RBFOX1: variants seen among roughly 807,000 people sequenced by gnomAD.
RBFOX1 encodes the protein RNA binding protein fox-1 homolog 1.
RBFOX1 carries 8 observed loss-of-function variants against 57.7 expected under a neutral mutation model. The observed-to-expected ratio is 0.14, with a 90% CI of 0.08 to 0.25. The LOEUF (loss-of-function observed/expected upper bound fraction) is 0.25, where lower values mean the gene tolerates loss of function less well. Ranked by LOEUF, RBFOX1 falls within the 10% of genes least tolerant of loss-of-function variation. RBFOX1 has a pLI of 1.00. For synonymous variants in RBFOX1, 326 were observed against 222.4 expected, an observed-to-expected ratio of 1.47 and a Z score of -4.15; for missense variants, 611 against 548.5, an observed-to-expected ratio of 1.11 and a Z score of -1.14.
intron 4 of RBFOX1, among the ~76,000 whole-genome samples, chr16:5,888,330 C>G (rs746753889): frequency 1.3e-5 from 2 of 152,134 alleles, no homozygotes; most frequent in Non-Finnish European, 2.9e-5. Flanking sequence ...CTTTATTCTA[C>G]AAAGCTTTTT....
At position 6,333,246 on chromosome 16, in the gene RBFOX1, T is replaced by C. The variant is rs1483412546; in HGVS notation, c.-64+16189T>C. 3.9e-5 allele frequency among the ~76,000 whole-genome samples: 6 copies of C among 152,290 alleles called. No homozygotes were observed. In the East Asian group the frequency reaches 5.8e-4, roughly 15 times the overall value. ...TTTTCATAGTGACAGGGTTTTGCCA[T>C]GTTGGCCAGGCTGGTCTTGAATTCC... On this transcript the variant is annotated intron_variant, in intron 2 of 15. Coordinates refer to ENST00000550418, the MANE Select transcript of RBFOX1 (RefSeq NM_018723.4).
At chr16:5,399,050 G>C (rs1367122465) in intron 1 of RBFOX1, among the ~76,000 whole-genome samples, 1 of 152,190 alleles carries the variant, frequency 6.6e-6, no homozygotes, top group African/African-American at 2.4e-5. Context: ...CTTTCCTCCA[G>C]ACCCCTTCTT....
At chr16:6,039,347 G>GAA (rs58081772) in intron 1 of RBFOX1, among the ~76,000 whole-genome samples, 31,132 of 135,964 alleles carry the variant, frequency 0.23, 3,951 homozygotes, top group Non-Finnish European at 0.29. Flanking sequence ...CTGCTTTCTG[G>GAA]AAAAAAAAAA....
At chr16:7,006,723 C>A (rs530563986) in intron 3 of RBFOX1, among the ~76,000 whole-genome samples, 1 of 152,132 alleles carries the variant, frequency 6.6e-6, no homozygotes, top group South Asian at 2.1e-4. Flanking sequence ...GCTGGGATTA[C>A]GGACATGAGC....
intron 1 of RBFOX1, among the ~76,000 whole-genome samples, chr16:6,179,470 C>T (rs2152785019): frequency 1.3e-5 from 2 of 152,238 alleles, no homozygotes; most frequent in South Asian, 4.2e-4. Context: ...TCTCTGATGC[C>T]TTGAACATAG....
At chr16:5,570,611 A>G (rs2046248803) in intron 2 of RBFOX1, among the ~76,000 whole-genome samples, 1 of 152,126 alleles carries the variant, frequency 6.6e-6, no homozygotes, top group Admixed American at 6.6e-5. Context: ...AGGCCAAGGA[A>G]GAAGGATCAC....
At chr16:7,178,167 C>G (rs567777582) in intron 4 of RBFOX1, among the ~76,000 whole-genome samples, 1 of 152,340 alleles carries the variant, frequency 6.6e-6, no homozygotes, top group African/African-American at 2.4e-5. Flanking sequence ...ATGTTTATTC[C>G]TTGCTCATGC....
At chr16:6,575,986 A>T (rs144163236) in intron 2 of RBFOX1, among the ~76,000 whole-genome samples, 2 of 152,070 alleles carry the variant, frequency 1.3e-5, no homozygotes, top group Non-Finnish European at 2.9e-5. Flanking sequence ...TCAAAAAATA[A>T]TTTTTTATTT....
chr16:7,692,769 G>T (rs1004047672), intron 14 of RBFOX1, among the ~76,000 whole-genome samples: 2 of 151,982 alleles, frequency 1.3e-5, no homozygotes, highest in Non-Finnish European at 2.9e-5. Flanking sequence ...AATAATTAGG[G>T]TTTATTTCAA....
At chr16:7,224,839 C>G (rs1398867682) in intron 4 of RBFOX1, among the ~76,000 whole-genome samples, 3 of 152,078 alleles carry the variant, frequency 2.0e-5, no homozygotes, top group Non-Finnish European at 4.4e-5. Flanking sequence ...CTGTTATGTT[C>G]CAGACACACC....
intron 2 of RBFOX1, among the ~76,000 whole-genome samples, chr16:6,542,832 G>A (rs565927200): frequency 3.3e-5 from 5 of 152,118 alleles, no homozygotes; most frequent in Admixed American, 2.6e-4. Flanking sequence ...CTTCCTGGGT[G>A]CCACAGTTAC....
intron 4 of RBFOX1, among the ~76,000 whole-genome samples, chr16:7,160,686 T>TGGG (rs2078122535): frequency 6.6e-6 from 1 of 152,056 alleles, no homozygotes; most frequent in Admixed American, 6.6e-5. Context: ...TTAGTTTTCC[T>TGGG]GGGGGGTTTT....
At chr16:7,200,084 C>T (rs1166318907) in intron 4 of RBFOX1, among the ~76,000 whole-genome samples, 1 of 152,190 alleles carries the variant, frequency 6.6e-6, no homozygotes, top group Admixed American at 6.5e-5. Context: ...AGTCATAATA[C>T]ATAATAGTGT....
At chr16:7,234,701 G>GTT (rs2093682541) in intron 4 of RBFOX1, among the ~76,000 whole-genome samples, 1 of 125,824 alleles carries the variant, frequency 7.9e-6, no homozygotes, top group Non-Finnish European at 1.7e-5. Flanking sequence ...ATATATATAT[G>GTT]TTATATATAT....
In RBFOX1 at chr16:5,761,290, C is replaced by T. The variant is rs573819891; in HGVS notation, c.319-106013C>T. Among the ~76,000 whole-genome samples, 6 of 152,208 alleles carry T rather than the reference C, an allele frequency of 3.9e-5. No individual in the cohort carries two copies. In the South Asian group the frequency reaches 8.3e-4, roughly 21 times the overall value. On this transcript the variant is annotated intron_variant, in intron 3 of 19. Coordinates refer to the RBFOX1 transcript ENST00000641259. ...AAGGTGGGATCACCTTCAGAATGTG[C>T]CCCCCAACTTTTTAAAATGGTTTTC...
At chr16:6,759,949 G>C (rs1427252531) in intron 3 of RBFOX1, among the ~76,000 whole-genome samples, 1 of 152,158 alleles carries the variant, frequency 6.6e-6, no homozygotes, top group East Asian at 1.9e-4. Context: ...AATATTAGTT[G>C]AGAGGATATT....
intron 3 of RBFOX1, among the ~76,000 whole-genome samples, chr16:6,845,251 C>T (rs944220288): frequency 4.0e-5 from 6 of 151,756 alleles, no homozygotes; most frequent in East Asian, 1.9e-4. Flanking sequence ...AATCCTTGCC[C>T]GTACCTGTGT....
chr16:5,876,443 A>G (rs2057613475), intron 4 of RBFOX1, among the ~76,000 whole-genome samples: 1 of 152,190 alleles, frequency 6.6e-6, no homozygotes, highest in Non-Finnish European at 1.5e-5. Flanking sequence ...CCCCCAAACC[A>G]GCTGGGGTGC....
chr16:7,310,144 A>G (rs980275926), intron 4 of RBFOX1, among the ~76,000 whole-genome samples: 1 of 152,156 alleles, frequency 6.6e-6, no homozygotes, highest in Non-Finnish European at 1.5e-5. Context: ...CCCTTTAACC[A>G]TGCTGAATAC....
Sources: allele counts gnomAD v4.1 joint callset (sites outside exome capture counted in the v4.1 genomes callset), GRCh38; gene constraint gnomAD v4.1.1; transcripts MANE v1.5; gene names NCBI Gene and HGNC (gene_info 2026-07-23, HGNC 2026-07-21).